The following SETX variants were observed in gnomAD, a reference collection of about 807,000 sequenced individuals.
SETX encodes the protein senataxin.
Under a neutral mutation model 227.2 loss-of-function variants are expected in SETX, and 90 were observed. The ratio of observed to expected loss-of-function variants is 0.40; its 90% CI spans 0.33 to 0.47. The LOEUF (loss-of-function observed/expected upper bound fraction) is 0.47, where lower values mean the gene tolerates loss of function less well. Ranked by LOEUF, SETX falls within the 20% of genes least tolerant of loss-of-function variation. The pLI, the probability that SETX is intolerant of heterozygous loss-of-function variation, is 0.91. For missense variants in SETX, 3,052 were observed against 3,181.5 expected (o/e 0.96, Z 0.98); for synonymous variants, 1,210 against 1,113.2 (o/e 1.09, Z -1.73).
In SETX at chr9:132,298,000, T is replaced by C. The variant is rs746209522; in HGVS notation, c.5781+80A>G. The C allele has an allele frequency of 1.1e-4, 125 of 1,190,002 alleles. 1 individual carries two copies. The highest frequency in any genetic ancestry group is 1.9e-4 in the Middle Eastern group (1 of 5,162). The allele number at this position is 1,190,002 out of a possible 1,614,324, so 73.7% of individuals were successfully genotyped here. ...TGAACACATTTTTGTTGTAAACATA[T>C]AGGAATACATAGCAGCTAAAAAATA... On this transcript the variant is annotated intron_variant, in intron 13 of 25. Transcript: ENST00000224140.
intron 10 of SETX, among the ~76,000 whole-genome samples, chr9:132,320,694 AT>A (rs1286575089): frequency 6.6e-6 from 1 of 152,162 alleles, no homozygotes; most frequent in Non-Finnish European, 1.5e-5. Context: ...GACGGTTGAA[AT>A]CGTATGGTTA....
chr9:132,277,999 G>C (rs1843262197), intron 21 of SETX, 71 bp downstream of exon 21: 2 of 1,434,488 alleles, frequency 1.4e-6, no homozygotes, highest in Admixed American at 1.7e-5. Context: ...TAAGACGACA[G>C]TAAAATGTCT....
At chr9:132,281,938 C>CTTGAACCCA (rs1178005283) in intron 19 of SETX, among the ~76,000 whole-genome samples, 1 of 147,562 alleles carries the variant, frequency 6.8e-6, no homozygotes, top group African/African-American at 2.5e-5. Flanking sequence ...AGGAGAACTG[C>CTTGAACCCA]TTGAACCCAG....
chr9:132,355,911 C>T (rs549152), upstream of SETX, among the ~76,000 whole-genome samples: 119,669 of 149,220 alleles, frequency 0.8, 48,453 homozygotes, highest in Non-Finnish European at 0.86. Flanking sequence ...GGCTTGAACC[C>T]GGGAGGCAGA....
rs772754700 is a variant in SETX, at chr9:132,311,813, T to C, written c.5318A>G (p.Tyr1773Cys). ...AGGAAATTTTCGTACTTGCAACTGA[T>C]AGAAATTCTCTCTATTTGGAGAGTT... ...WLNSPNRENF[Y>C]QLQVRKFPAD... Residue 1773 changes from tyrosine (Y) to cysteine (C), a missense_variant, in exon 11 of 26, where the codon TAT (tyrosine) becomes TGT (cysteine). Physicochemically the swap from Tyr to Cys is radical, Grantham distance 194. Around this residue, in one of 10 missense-constraint regions of SETX, gnomAD observed 239 missense variants for 272.1 expected, o/e 0.88. Coordinates refer to ENST00000224140, the MANE Select transcript of SETX (RefSeq NM_015046.7). 4.3e-6 allele frequency: 7 copies of C among 1,613,724 alleles called. 1 individual carries two copies. The highest frequency in any genetic ancestry group is 3.3e-5 in the South Asian group (3 of 91,066).
rs536068123 is a variant in SETX at position 132,337,238 on chromosome 9, TG to T, written c.499-724del. 5.7e-3 allele frequency among the ~76,000 whole-genome samples: 866 copies of T among 152,088 alleles called. 5 individuals are homozygous for T. Among genetic ancestry groups the T allele is most frequent in the Middle Eastern group, 0.01 (3 of 294 alleles). On this transcript the variant is annotated intron_variant, in intron 5 of 25. Transcript: ENST00000224140. The stretch of plus-strand genomic sequence containing the variant: ...ATTGATAAAGCTAACTGATGGATTA[TG>T]GGGGATTCATTACACCATTCTTGCT...
At chr9:132,319,854 T>G (rs936773782) in intron 10 of SETX, among the ~76,000 whole-genome samples, 1 of 152,206 alleles carries the variant, frequency 6.6e-6, no homozygotes, top group Non-Finnish European at 1.5e-5. Flanking sequence ...TAGTGCCTAA[T>G]GGTACTAAGT....
intron 23 of SETX, among the ~76,000 whole-genome samples, chr9:132,273,444 T>C (rs1842994132): frequency 6.6e-6 from 1 of 152,266 alleles, no homozygotes; most frequent in African/African-American, 2.4e-5. Context: ...ATTACAGGCA[T>C]GAGCCACTGC....
At chr9:132,302,817 A>G (rs1845091044) in intron 11 of SETX, among the ~76,000 whole-genome samples, 1 of 152,144 alleles carries the variant, frequency 6.6e-6, no homozygotes, top group Non-Finnish European at 1.5e-5. Context: ...ATTTTTTATA[A>G]AACAACAATA....
upstream of SETX, among the ~76,000 whole-genome samples, chr9:132,355,943 C>T (rs1848889253): frequency 7.0e-6 from 1 of 143,396 alleles, no homozygotes; most frequent in East Asian, 2.0e-4. Context: ...GCCGAGATCG[C>T]ACCACTGCAC....
intron 15 of SETX, among the ~76,000 whole-genome samples, chr9:132,294,265 T>C (rs1844530210): frequency 6.6e-6 from 1 of 152,234 alleles, no homozygotes; most frequent in African/African-American, 2.4e-5. Context: ...GTACAAACTC[T>C]TGAACCCCCA....
At position 132,342,757 on chromosome 9, in the gene SETX, T is replaced by C. The variant is rs767453182; in HGVS notation, c.431A>G (p.Asn144Ser). 122 of 1,613,948 alleles carry C rather than the reference T, an allele frequency of 7.6e-5. 1 individual carries two copies. The East Asian group carries it at 2.1e-3, about 28-fold the overall frequency. ...TTTATCAAACACCTGAAAGGAGCAA[T>C]TGGCTTGTTCCATCCGACAAAGTGC... Reference protein sequence around the residue: ...VEALCRMEQANCSFQVFDKHP... With the variant: ...VEALCRMEQASCSFQVFDKHP... The change falls in exon 5 of 26, where the codon AAT (asparagine) becomes AGT (serine). Residue 144 changes from asparagine (N) to serine (S), a missense_variant. Physicochemically the swap from Asn to Ser is conservative, Grantham distance 46. Transcript: ENST00000224140.
rs1338896415 is a variant in SETX, at chr9:132,333,428, C to T, written c.838+1180G>A. On this transcript the variant is annotated intron_variant, in intron 7 of 25. Coordinates refer to ENST00000224140, the MANE Select transcript of SETX (RefSeq NM_015046.7). ...AAAAAAATATATATACACACACACA[C>T]ACACACACACACACACACACACACA... 4.9e-3 allele frequency among the ~76,000 whole-genome samples: 657 copies of T among 133,036 alleles called. 14 individuals carry two copies. Among genetic ancestry groups the T allele is most frequent in the African/African-American group, 0.013 (451 of 33,832 alleles). 87.3% of individuals were successfully genotyped at this position (133,036 alleles called of 152,430 possible).
chr9:132,279,346 T>C (rs1445746069), intron 20 of SETX, among the ~76,000 whole-genome samples: 1 of 152,116 alleles, frequency 6.6e-6, no homozygotes, highest in Non-Finnish European at 1.5e-5. Flanking sequence ...CACACCAACA[T>C]GGCACATGTA....
chr9:132,323,527 G>C (rs922780802), intron 10 of SETX, among the ~76,000 whole-genome samples: 2 of 150,226 alleles, frequency 1.3e-5, no homozygotes, highest in Non-Finnish European at 2.9e-5. Flanking sequence ...GGCTGGAAAT[G>C]GGGGTAGTTC....
At chr9:132,271,868 A>C in intron 23 of SETX, 60 bp from the exon 24 acceptor site, 1 of 1,441,060 alleles carries the variant, frequency 6.9e-7, no homozygotes, top group South Asian at 1.2e-5. Flanking sequence ...AAGTATACAT[A>C]TTTATAAACT....
intron 4 of SETX, among the ~76,000 whole-genome samples, chr9:132,345,296 CAG>C (rs1848220258): frequency 6.6e-6 from 1 of 152,136 alleles, no homozygotes; most frequent in Non-Finnish European, 1.5e-5. Context: ...TTTTTTAAGA[CAG>C]AGTCTCTGTC....
intron 3 of SETX, 131 bp downstream of exon 3, chr9:132,349,121 A>C: frequency 1.0e-6 from 1 of 959,072 alleles, no homozygotes; most frequent in South Asian, 1.5e-5. Flanking sequence ...AAAACAAAAC[A>C]AAAACAAAAA....
intron 11 of SETX, among the ~76,000 whole-genome samples, chr9:132,308,157 T>C (rs866114048): frequency 1.3e-5 from 2 of 152,190 alleles, no homozygotes; most frequent in Non-Finnish European, 1.5e-5. Flanking sequence ...TTTAATGAAT[T>C]AGTGACTAAG....
Sources: gnomAD v4.1 joint callset for allele counts (sites outside exome capture counted in the v4.1 genomes callset) on GRCh38, gnomAD v4.1.1 for gene constraint, gnomAD v4.1.1 regional missense constraint, MANE v1.5 for transcripts, NCBI Gene and HGNC (gene_info 2026-07-23, HGNC 2026-07-21) for gene names.